STXBP5L: variants seen among roughly 807,000 people sequenced by gnomAD.
STXBP5L encodes the protein syntaxin binding protein 5L, also known as syntaxin-binding protein 5-like.
In STXBP5L, 65 loss-of-function variants were observed where a neutral mutation model predicts 144.5. The ratio of observed to expected loss-of-function variants is 0.45; its 90% confidence interval spans 0.37 to 0.55. STXBP5L has a LOEUF of 0.55. Ranked by LOEUF, STXBP5L falls within the 20% of genes least tolerant of loss-of-function variation. The pLI is 0.00. For synonymous variants in STXBP5L, 505 were observed against 469.6 expected, an observed-to-expected ratio of 1.08 and a Z score of -0.97; for missense variants, 1,298 against 1,405.5, an observed-to-expected ratio of 0.92 and a Z score of 1.22.
At chr3:121,157,921 A>G in intron 9 of STXBP5L, 1 of 258,812 alleles carries the variant, frequency 3.9e-6, no homozygotes, top group Non-Finnish European at 7.2e-6. Context: ...TAATATAGGA[A>G]ATTTTGTCAC....
intron 3 of STXBP5L, among the ~76,000 whole-genome samples, chr3:121,016,912 A>T (rs746342087): frequency 1.3e-5 from 2 of 152,256 alleles, no homozygotes; most frequent in Non-Finnish European, 2.9e-5. Flanking sequence ...ATAGAAGCAG[A>T]TGGAATATTT....
At chr3:121,233,241 C>T (rs905849055) in intron 11 of STXBP5L, among the ~76,000 whole-genome samples, 7 of 152,134 alleles carry the variant, frequency 4.6e-5, no homozygotes, top group Non-Finnish European at 1.0e-4. Context: ...ACTATTCCCT[C>T]AGTACATCTC....
intron 20 of STXBP5L, among the ~76,000 whole-genome samples, chr3:121,340,634 A>T (rs2044674303): frequency 6.6e-6 from 1 of 152,086 alleles, no homozygotes; most frequent in Non-Finnish European, 1.5e-5. Context: ...TTTCAACTTC[A>T]TCCATGTTCC....
intron 14 of STXBP5L, among the ~76,000 whole-genome samples, chr3:121,248,775 G>A (rs1260688526): frequency 6.6e-6 from 1 of 152,096 alleles, no homozygotes. Context: ...TTAGTAGTTT[G>A]AGGTATTACA....
intron 20 of STXBP5L, among the ~76,000 whole-genome samples, chr3:121,319,368 T>C (rs1353722488): frequency 6.6e-6 from 1 of 152,164 alleles, no homozygotes; most frequent in African/African-American, 2.4e-5. Flanking sequence ...AAGCAACGAA[T>C]TTGGACTTGT....
At chr3:121,105,133 C>T (rs1328851012) in intron 5 of STXBP5L, among the ~76,000 whole-genome samples, 1 of 152,146 alleles carries the variant, frequency 6.6e-6, no homozygotes, top group East Asian at 1.9e-4. Context: ...CACAGTGGCT[C>T]ATGCCTATAA....
intron 18 of STXBP5L, among the ~76,000 whole-genome samples, chr3:121,275,626 G>A (rs1486291194): frequency 1.3e-5 from 2 of 152,030 alleles, no homozygotes; most frequent in Non-Finnish European, 2.9e-5. Context: ...ATTAAAAGAG[G>A]AATGTTTGCA....
chr3:121,227,790 T>C (rs925777940), intron 11 of STXBP5L, among the ~76,000 whole-genome samples: 1 of 152,132 alleles, frequency 6.6e-6, no homozygotes, highest in African/African-American at 2.4e-5. Context: ...ATGGCACATA[T>C]CTTGGCATAT....
intron 23 of STXBP5L, among the ~76,000 whole-genome samples, chr3:121,408,507 A>G (rs1367496122): frequency 6.6e-6 from 1 of 151,948 alleles, no homozygotes; most frequent in Non-Finnish European, 1.5e-5. Context: ...CAGAGGAAAT[A>G]TGGGATTGAA....
chr3:121,220,459 G>A (rs562085244), intron 10 of STXBP5L, among the ~76,000 whole-genome samples: 15 of 152,110 alleles, frequency 9.9e-5, no homozygotes, highest in African/African-American at 2.9e-4. Flanking sequence ...ATTTAGTGTG[G>A]TACAGCATTA....
chr3:121,085,399 C>G (rs1437987469), intron 5 of STXBP5L, among the ~76,000 whole-genome samples: 2 of 152,082 alleles, frequency 1.3e-5, no homozygotes, highest in Non-Finnish European at 2.9e-5. Context: ...TTGAAGATAA[C>G]ATGATCCTAT....
At chr3:121,359,041 G>C (rs914947136) in intron 20 of STXBP5L, among the ~76,000 whole-genome samples, 1 of 152,044 alleles carries the variant, frequency 6.6e-6, no homozygotes, top group Non-Finnish European at 1.5e-5. Context: ...CCTCCAAACT[G>C]TTTGCAGTTT....
chr3:121,004,026 A>G lies in STXBP5L; in HGVS notation c.288-37674A>G, dbSNP rs530042050. 2.5e-4 allele frequency among the ~76,000 whole-genome samples: 38 copies of G among 152,070 alleles called. No homozygotes were observed. The East Asian group carries it at 6.2e-3, about 25-fold the overall frequency. On this transcript the variant is annotated intron_variant, in intron 3 of 26. Transcript: ENST00000471454. ...TCTTTTGGCTTAGGATTGACTTGGCAATGCAGGCTCTTTTTTGGTTCCATA... is the reference window on the plus strand; with the variant it reads ...TCTTTTGGCTTAGGATTGACTTGGCGATGCAGGCTCTTTTTTGGTTCCATA...
intron 9 of STXBP5L, among the ~76,000 whole-genome samples, chr3:121,172,387 A>G (rs939401265): frequency 2.6e-5 from 4 of 152,232 alleles, no homozygotes; most frequent in African/African-American, 9.6e-5. Flanking sequence ...CTACCATCAG[A>G]GTGGACAGGC....
At chr3:120,920,340 T>A (rs1709301969) in intron 2 of STXBP5L, among the ~76,000 whole-genome samples, 1 of 151,766 alleles carries the variant, frequency 6.6e-6, no homozygotes, top group Non-Finnish European at 1.5e-5. Context: ...GGTACTTTCC[T>A]GCTTCTTAAA....
chr3:121,187,600 T>TAAAAA (rs60294540), intron 9 of STXBP5L, among the ~76,000 whole-genome samples: 2 of 146,192 alleles, frequency 1.4e-5, no homozygotes, highest in East Asian at 2.0e-4. Flanking sequence ...CCATGAATGA[T>TAAAAA]AAAAAAAAAA....
chr3:121,191,887 A>G (rs891352240), intron 9 of STXBP5L, among the ~76,000 whole-genome samples: 1 of 141,476 alleles, frequency 7.1e-6, no homozygotes, highest in African/African-American at 2.5e-5. Context: ...ATAGGTGGGA[A>G]TTGAACAATG....
At chr3:120,936,433 G>T (rs550208120) in intron 2 of STXBP5L, among the ~76,000 whole-genome samples, 2 of 152,246 alleles carry the variant, frequency 1.3e-5, no homozygotes, top group East Asian at 3.9e-4. Flanking sequence ...AAGGGACTGA[G>T]ATACATAGGC....
intron 18 of STXBP5L, among the ~76,000 whole-genome samples, chr3:121,264,205 C>A (rs1007109001): frequency 1.4e-4 from 21 of 152,168 alleles, no homozygotes; most frequent in Non-Finnish European, 2.5e-4. Flanking sequence ...CATATCTAGC[C>A]AAACTAAGCT....
Sources: gnomAD v4.1 joint callset for allele counts (sites outside exome capture counted in the v4.1 genomes callset) on GRCh38, gnomAD v4.1.1 for gene constraint, MANE v1.5 for transcripts, NCBI Gene and HGNC (gene_info 2026-07-23, HGNC 2026-07-21) for gene names.